LUZP2: variants seen among roughly 807,000 people sequenced by gnomAD.
The protein encoded by LUZP2 is leucine zipper protein 2.
LUZP2 carries 52 observed loss-of-function variants against 51.6 expected under a neutral mutation model. The observed-to-expected ratio is 1.01, with a 90% confidence interval of 0.81 to 1.27. LUZP2 has a LOEUF of 1.27. LUZP2 is among the 50% of genes most tolerant of loss of function. The probability of loss-of-function intolerance (pLI) is 0.00; values close to 1 mark genes in which losing one functional copy is unlikely to be tolerated. For synonymous variants in LUZP2, 154 were observed against 137.3 expected (o/e 1.12, Z -0.85); for missense variants, 436 against 395.4 (o/e 1.10, Z -0.87).
At chr11:24,566,495 A>G (rs2133786601) in intron 1 of LUZP2, among the ~76,000 whole-genome samples, 1 of 148,312 alleles carries the variant, frequency 6.7e-6, no homozygotes, top group Admixed American at 6.7e-5. Context: ...TGCCCAGATA[A>G]TTTAATTTGT....
intron 5 of LUZP2, among the ~76,000 whole-genome samples, chr11:24,787,735 G>A (rs1002925777): frequency 6.6e-6 from 1 of 152,052 alleles, no homozygotes; most frequent in Admixed American, 6.6e-5. Flanking sequence ...GAAGCATCAG[G>A]TTTATATATA....
At chr11:24,603,932 A>G (rs1198433164) in intron 1 of LUZP2, among the ~76,000 whole-genome samples, 1 of 151,820 alleles carries the variant, frequency 6.6e-6, no homozygotes, top group African/African-American at 2.4e-5. Flanking sequence ...TTACTATATT[A>G]TATAACCTCT....
intron 1 of LUZP2, among the ~76,000 whole-genome samples, chr11:24,635,058 G>T (rs1384745306): frequency 6.6e-6 from 1 of 152,020 alleles, no homozygotes; most frequent in South Asian, 2.1e-4. Flanking sequence ...GGGGGTGAGG[G>T]ATGAGACATT....
intron 1 of LUZP2, among the ~76,000 whole-genome samples, chr11:24,716,904 T>G (rs1312192564): frequency 6.6e-6 from 1 of 151,912 alleles, no homozygotes; most frequent in East Asian, 1.9e-4. Flanking sequence ...TCAAAAAAAT[T>G]TTTTTAATAT....
chr11:24,976,548 A>C, intron 7 of LUZP2, 43 bp from the exon 8 acceptor site: 1 of 1,372,560 alleles, frequency 7.3e-7, no homozygotes, highest in Non-Finnish European at 1.0e-6. Context: ...GTACAGAGGG[A>C]AATTGCAGAA....
chr11:24,594,777 T>TTTTTTTTG (rs1853377979), intron 1 of LUZP2, among the ~76,000 whole-genome samples: 1 of 103,918 alleles, frequency 9.6e-6, no homozygotes, highest in Non-Finnish European at 2.0e-5. Context: ...TTTTTTTTTT[T>TTTTTTTTG]GAGGTGGAGT....
At chr11:25,008,969 T>C (rs2133954932) in intron 9 of LUZP2, among the ~76,000 whole-genome samples, 1 of 152,320 alleles carries the variant, frequency 6.6e-6, no homozygotes, top group East Asian at 1.9e-4. Flanking sequence ...AGGCTTTAAA[T>C]TGTCTTTGGC....
At chr11:24,981,543 C>A (rs1173404420) in intron 8 of LUZP2, among the ~76,000 whole-genome samples, 1 of 151,694 alleles carries the variant, frequency 6.6e-6, no homozygotes, top group Non-Finnish European at 1.5e-5. Context: ...ACTTTGAATG[C>A]CTAACCTGGG....
intron 7 of LUZP2, among the ~76,000 whole-genome samples, chr11:24,934,078 AAGGTGTATTGTCACAAAGTCAG>A (rs1854529704): frequency 6.6e-6 from 1 of 152,166 alleles, no homozygotes; most frequent in South Asian, 2.1e-4. Context: ...AAGGGCAGGG[AAGGTGTATTGTCACAAAGTCAG>A]CTGATCAGTT....
chr11:24,890,198 C>T (rs180871817), intron 5 of LUZP2, among the ~76,000 whole-genome samples: 60 of 152,114 alleles, frequency 3.9e-4, no homozygotes, highest in Admixed American at 2.9e-3. Flanking sequence ...TGTAACCAAG[C>T]ATATACTCAG....
In LUZP2 at chr11:24,906,052, A is replaced by C. The variant is rs150385403; in HGVS notation, c.458A>C (p.Glu153Ala). The change falls in exon 6 of 12, where the codon GAG becomes GCG. Residue 153 changes from glutamate (E) to alanine (A), a missense_variant and splice_region_variant. Transcript: ENST00000336930. ...AAGCTCTGTGGCATTCACGCAGAAG[A>C]GGTGAGTAAATTTTTGCTTCTTCTA... is the stretch of plus-strand genomic sequence containing the variant. ...GNKLCGIHAE[E>A]SKKIQAQLKE... 2.9e-4 allele frequency: 472 copies of C among 1,611,766 alleles called. 2 individuals are homozygous for C. The African/African-American group carries it at 5.3e-3, about 18-fold the overall frequency.
At chr11:24,740,873 G>T (rs561071658) in intron 4 of LUZP2, among the ~76,000 whole-genome samples, 14 of 152,094 alleles carry the variant, frequency 9.2e-5, no homozygotes, top group African/African-American at 3.4e-4. Flanking sequence ...GTTATTTGGT[G>T]GTTATATGAG....
intron 7 of LUZP2, among the ~76,000 whole-genome samples, chr11:24,925,196 A>G (rs1300067557): frequency 6.6e-6 from 1 of 152,138 alleles, no homozygotes; most frequent in South Asian, 2.1e-4. Flanking sequence ...CTGCTTTGCC[A>G]GTCTTAAGGT....
At chr11:25,066,642 G>C (rs975493099) in intron 10 of LUZP2, among the ~76,000 whole-genome samples, 3 of 151,772 alleles carry the variant, frequency 2.0e-5, no homozygotes, top group African/African-American at 7.2e-5. Flanking sequence ...TTCTTGTTTT[G>C]TTTAGATTGA....
At chr11:24,528,857 T>C (rs1484342612) in intron 1 of LUZP2, among the ~76,000 whole-genome samples, 1 of 151,246 alleles carries the variant, frequency 6.6e-6, no homozygotes, top group East Asian at 1.9e-4. Flanking sequence ...GCTATCAGTA[T>C]AAAATCCTGA....
chr11:24,811,690 T>C (rs895155208), intron 5 of LUZP2, among the ~76,000 whole-genome samples: 9 of 152,166 alleles, frequency 5.9e-5, no homozygotes, highest in Non-Finnish European at 8.8e-5. Context: ...GAAATTATAC[T>C]GCTCTACCTT....
At chr11:24,818,726 C>A (rs183543413) in intron 5 of LUZP2, among the ~76,000 whole-genome samples, 2 of 152,148 alleles carry the variant, frequency 1.3e-5, no homozygotes, top group African/African-American at 4.8e-5. Context: ...CTTATCTATA[C>A]AGGTTCAACT....
chr11:24,847,619 T>C (rs986094895), intron 5 of LUZP2, among the ~76,000 whole-genome samples: 2 of 152,172 alleles, frequency 1.3e-5, no homozygotes, highest in African/African-American at 4.8e-5. Flanking sequence ...AAAAACTTAC[T>C]ATTCATCTTT....
chr11:24,867,854 G>C (rs1308294959), intron 5 of LUZP2, among the ~76,000 whole-genome samples: 1 of 152,126 alleles, frequency 6.6e-6, no homozygotes, highest in Non-Finnish European at 1.5e-5. Context: ...TTTTTAAAAT[G>C]TAAATTTGGT....
Sources: gnomAD v4.1 joint callset for allele counts (sites outside exome capture counted in the v4.1 genomes callset) on GRCh38, gnomAD v4.1.1 for gene constraint, MANE v1.5 for transcripts, NCBI Gene and HGNC (gene_info 2026-07-23, HGNC 2026-07-21) for gene names.